RAD54L2: variants seen among roughly 807,000 people sequenced by gnomAD.
The protein encoded by RAD54L2 is RAD54 like 2, also known as helicase ARIP4.
Under a neutral mutation model 138.4 loss-of-function variants are expected in RAD54L2, and 27 were observed. The observed-to-expected ratio is 0.20, with a 90% CI of 0.14 to 0.27. The LOEUF (loss-of-function observed/expected upper bound fraction) is 0.27. Among genes scored for constraint, RAD54L2 ranks in the 10% least tolerant of loss-of-function variants. The pLI is 1.00. For synonymous variants in RAD54L2, 644 were observed against 723.2 expected (o/e 0.89, Z 1.76); for missense variants, 1,396 against 1,890.2 (o/e 0.74, Z 4.85).
intron 2 of RAD54L2, among the ~76,000 whole-genome samples, chr3:51,562,503 T>A (rs957646433): frequency 2.6e-5 from 4 of 152,102 alleles, no homozygotes; most frequent in African/African-American, 9.7e-5. Context: ...GTGCTGGGAT[T>A]ATAGGCGTGA....
intron 3 of RAD54L2, among the ~76,000 whole-genome samples, chr3:51,614,164 T>A (rs1339740492): frequency 6.7e-6 from 1 of 149,586 alleles, no homozygotes; most frequent in Non-Finnish European, 1.5e-5. Flanking sequence ...TTCTGTTTCT[T>A]TTTTTTTTTT....
At position 51,643,974 on chromosome 3, in the gene RAD54L2, G is replaced by A. The variant is rs1382430296; in HGVS notation, c.2450G>A (p.Arg817Lys). Reference protein sequence around the residue: ...LTTWLFLLSTRAGCLGVNLIG... With the variant: ...LTTWLFLLSTKAGCLGVNLIG... ...ACCTGGCTGTTCCTTCTCTCTACAAGGTGAGTGGATCCCAAGAGGGGAGGT... is the reference window on the plus strand; with the variant it reads ...ACCTGGCTGTTCCTTCTCTCTACAAAGTGAGTGGATCCCAAGAGGGGAGGT... The change falls in exon 16 of 23, where the codon AGG (arginine) becomes AAG (lysine). Residue 817 changes from arginine (R) to lysine (K), a missense_variant and splice_region_variant. By Grantham distance (26) the Arg-to-Lys change is conservative (BLOSUM62 2). This residue lies in a region of RAD54L2 where 78 missense variants were observed against 171.6 expected (regional missense o/e 0.45). Coordinates refer to ENST00000684192, the MANE Select transcript of RAD54L2 (RefSeq NM_015106.4). 6.3e-7 allele frequency: 1 copy of A among 1,594,244 alleles called. No homozygotes were observed. The highest frequency in any genetic ancestry group is 8.6e-7 in the Non-Finnish European group (1 of 1,169,166).
intron 13 of RAD54L2, 49 bp downstream of exon 13, chr3:51,639,719 A>T: frequency 1.2e-6 from 2 of 1,603,032 alleles, no homozygotes; most frequent in Non-Finnish European, 1.7e-6. Flanking sequence ...CTGAGAAGGG[A>T]TGGTGCAAGC....
intron 13 of RAD54L2, 83 bp from the exon 14 acceptor site, chr3:51,639,798 G>A: frequency 6.7e-7 from 1 of 1,486,490 alleles, no homozygotes; most frequent in Non-Finnish European, 9.1e-7. Flanking sequence ...TGGCCAGTGA[G>A]CTGCTGCCTT....
At chr3:51,561,434 C>T (rs564285207) in intron 2 of RAD54L2, among the ~76,000 whole-genome samples, 1 of 152,214 alleles carries the variant, frequency 6.6e-6, no homozygotes, top group Non-Finnish European at 1.5e-5. Context: ...TTAGTAGAGA[C>T]GGGTTTCACC....
intron 2 of RAD54L2, among the ~76,000 whole-genome samples, chr3:51,567,252 A>T (rs914078302): frequency 6.6e-6 from 1 of 152,178 alleles, no homozygotes; most frequent in African/African-American, 2.4e-5. Context: ...TGAATCATTT[A>T]AAAAGGACAG....
intron 2 of RAD54L2, among the ~76,000 whole-genome samples, chr3:51,551,729 C>T (rs1698842283): frequency 6.6e-6 from 1 of 151,798 alleles, no homozygotes; most frequent in Non-Finnish European, 1.5e-5. Flanking sequence ...GCCACTGCAC[C>T]CGGCCTGTAG....
In RAD54L2 at chr3:51,656,037, C is replaced by T; in HGVS notation, c.3093C>T (p.Ile1031=). 1 of 1,614,018 alleles carries T rather than the reference C, an allele frequency of 6.2e-7. No homozygotes were observed. Among genetic ancestry groups the T allele is most frequent in the Non-Finnish European group, 8.5e-7 (1 of 1,179,892 alleles). The change falls in exon 20 of 23, where the codon ATC becomes ATT. Residue 1031 remains isoleucine, a synonymous_variant. Transcript: ENST00000684192. ...TTCGTCCTGTGCAGTCCACCCCCAT[C>T]CCCATGATGCCCCGGCATGTCCCAT... ...ASVRPVQSTP[I]PMMPRHVPLG... is the part of the protein sequence containing the mutation.
intron 20 of RAD54L2, among the ~76,000 whole-genome samples, chr3:51,656,408 G>A (rs1313455194): frequency 6.6e-6 from 1 of 152,166 alleles, no homozygotes; most frequent in Non-Finnish European, 1.5e-5. Flanking sequence ...GATAGACTCT[G>A]AGCACTGCAG....
intron 12 of RAD54L2, chr3:51,639,207 A>G (rs1701063969): frequency 1.5e-5 from 9 of 582,326 alleles, no homozygotes; most frequent in Non-Finnish European, 2.7e-5. Flanking sequence ...CCTGGTATGC[A>G]TGCTGCCATT....
intron 3 of RAD54L2, among the ~76,000 whole-genome samples, chr3:51,614,419 C>A (rs1320471441): frequency 6.6e-6 from 1 of 152,126 alleles, no homozygotes; most frequent in African/African-American, 2.4e-5. Flanking sequence ...CTGCCTCAAC[C>A]TCCCAAAGCG....
chr3:51,585,356 T>C (rs1173475317), intron 2 of RAD54L2, among the ~76,000 whole-genome samples: 1 of 152,098 alleles, frequency 6.6e-6, no homozygotes, highest in Non-Finnish European at 1.5e-5. Context: ...ATGACATCTG[T>C]GAAATTTCAT....
chr3:51,645,526 T>C lies in RAD54L2; in HGVS notation c.2657-65T>C, dbSNP rs1325037719. On this transcript the variant is annotated intron_variant, in intron 17 of 22. Coordinates refer to ENST00000684192, the MANE Select transcript of RAD54L2 (RefSeq NM_015106.4). The surrounding 1 kb of genome is among the most constrained non-coding windows in gnomAD (Gnocchi z 6.1). Reference sequence around the variant, plus strand: ...CTTTCAGATATGGGATGACTTTTCATTATTAGTGACCTTTACAGTTTTTAA... The same window carrying C: ...CTTTCAGATATGGGATGACTTTTCACTATTAGTGACCTTTACAGTTTTTAA... The C allele has an allele frequency of 6.9e-7, 1 of 1,441,684 alleles. No homozygotes were observed. Among genetic ancestry groups the C allele is most frequent in the Admixed American group, 2.4e-5 (1 of 41,866 alleles). 89.3% of individuals were successfully genotyped at this position (1,441,684 alleles called of 1,614,324 possible).
chr3:51,644,379 A>G (rs1229744036), intron 16 of RAD54L2, among the ~76,000 whole-genome samples: 1 of 152,196 alleles, frequency 6.6e-6, no homozygotes, highest in Non-Finnish European at 1.5e-5. Flanking sequence ...TGAGAGGTCG[A>G]AGCTGCAGTG....
intron 19 of RAD54L2, among the ~76,000 whole-genome samples, chr3:51,650,350 C>A (rs1701398680): frequency 4.6e-5 from 7 of 152,144 alleles, no homozygotes; most frequent in Admixed American, 3.3e-4. Context: ...GACTTTAACA[C>A]CCCACTGTCA....
intron 21 of RAD54L2, among the ~76,000 whole-genome samples, chr3:51,657,962 G>A (rs1393536400): frequency 9.1e-6 from 1 of 110,044 alleles, no homozygotes; most frequent in African/African-American, 3.6e-5. Flanking sequence ...GTCTTGCTCT[G>A]TCGCCAGGCT....
At chr3:51,543,477 G>A (rs920962371) in intron 2 of RAD54L2, among the ~76,000 whole-genome samples, 5 of 152,092 alleles carry the variant, frequency 3.3e-5, no homozygotes, top group South Asian at 2.1e-4. Flanking sequence ...GCATAGTGGC[G>A]CATGCCTGTA....
chr3:51,548,310 T>C (rs1698751513), intron 2 of RAD54L2, among the ~76,000 whole-genome samples: 1 of 151,982 alleles, frequency 6.6e-6, no homozygotes, highest in Admixed American at 6.6e-5. Context: ...TGCCTCAGCC[T>C]CCTGAGTAGC....
chr3:51,637,076 C>T lies in RAD54L2; in HGVS notation c.1340-85C>T, dbSNP rs1485079436. On this transcript the variant is annotated intron_variant, in intron 10 of 22. Coordinates refer to ENST00000684192, the MANE Select transcript of RAD54L2 (RefSeq NM_015106.4). The surrounding 1 kb of genome is among the most constrained non-coding windows in gnomAD (Gnocchi z 5.9). ...CTGCTTCCTTCATTTCTTCTGTCTC[C>T]TCCAGGGTGCACCCCTACTTCTCAT... is the stretch of plus-strand genomic sequence containing the variant. 4 of 1,211,024 alleles carry T rather than the reference C, an allele frequency of 3.3e-6. No homozygotes were observed. Among genetic ancestry groups the T allele is most frequent in the Non-Finnish European group, 3.5e-6 (3 of 848,736 alleles). The allele number at this position is 1,211,024 out of a possible 1,614,324, so 75.0% of individuals were successfully genotyped here. A position where few individuals can be genotyped will look rare whatever the true frequency, so the allele number is the denominator to read the frequency against.
Sources: allele counts gnomAD v4.1 joint callset (sites outside exome capture counted in the v4.1 genomes callset), GRCh38; gene constraint gnomAD v4.1.1; regional missense constraint gnomAD v4.1.1; non-coding constraint Gnocchi (gnomAD v3.1); transcripts MANE v1.5; gene names NCBI Gene and HGNC (gene_info 2026-07-23, HGNC 2026-07-21).